The following HAUS6 variants were observed in gnomAD, a reference collection of about 807,000 sequenced individuals.
HAUS6 encodes HAUS augmin like complex subunit 6, also known as HAUS augmin-like complex subunit 6.
HAUS6 carries 80 observed loss-of-function variants against 106.8 expected under a neutral mutation model. That is an observed-to-expected ratio of 0.75 (90% CI 0.63 to 0.90). The LOEUF (loss-of-function observed/expected upper bound fraction) is 0.90, where lower values mean the gene tolerates loss of function less well. Among genes scored for constraint, HAUS6 ranks in the 40% least tolerant of loss-of-function variants. HAUS6 has a pLI of 0.00. For missense variants in HAUS6, 1,155 were observed against 1,118.1 expected, an observed-to-expected ratio of 1.03 and a Z score of -0.47; for synonymous variants, 356 against 379.1, an observed-to-expected ratio of 0.94 and a Z score of 0.71.
chr9:19,082,127 C>A (rs1297659035), intron 8 of HAUS6, among the ~76,000 whole-genome samples: 3 of 151,766 alleles, frequency 2.0e-5, no homozygotes, highest in Admixed American at 1.3e-4. Context: ...TTTATAATGA[C>A]GGAAAGAAAA....
At position 19,088,118 on chromosome 9, in the gene HAUS6, T is replaced by C. The variant is rs537551215; in HGVS notation, c.585-962A>G. Among the ~76,000 whole-genome samples, 15 of 152,244 alleles carry C rather than the reference T, an allele frequency of 9.9e-5. No individual in the cohort carries two copies. In the South Asian group the frequency reaches 2.5e-3, roughly 25 times the overall value. On this transcript the variant is annotated intron_variant, in intron 5 of 16. Coordinates refer to ENST00000380502, the MANE Select transcript of HAUS6 (RefSeq NM_017645.5). ...ATCCACTAACAGGACTAATAGACAT[T>C]AAAAGTAATACACTGGTAGGGTACA...
chr9:19,073,729 T>A (rs1836927520), intron 11 of HAUS6: 1 of 151,562 alleles, frequency 6.6e-6, no homozygotes, highest in Non-Finnish European at 1.5e-5. Flanking sequence ...TCAAAAGAAT[T>A]CTACCATAAT....
rs775004261 is a variant in HAUS6 at position 19,057,958 on chromosome 9, T to C, written c.2806+3A>G. ...AATATGCATAGGTCTATTTAAACCT[T>C]ACCCTTTAAATTAGGTAGTTCTCCA... On this transcript the variant is annotated splice_donor_region_variant and intron_variant, in intron 16 of 16. Coordinates refer to ENST00000380502, the MANE Select transcript of HAUS6 (RefSeq NM_017645.5). The C allele has an allele frequency of 2.0e-5, 31 of 1,576,068 alleles. No individual in the cohort carries two copies. Among genetic ancestry groups the C allele is most frequent in the Non-Finnish European group, 2.6e-5 (30 of 1,152,826 alleles).
intron 8 of HAUS6, 136 bp from the exon 9 acceptor site, chr9:19,080,808 C>T (rs929887962): frequency 3.3e-6 from 2 of 597,022 alleles, no homozygotes; most frequent in African/African-American, 1.9e-5. Context: ...CGGCTCACAC[C>T]TGTAATCCCA....
chr9:19,087,189 T>A (rs1392126421), intron 5 of HAUS6, 33 bp from the exon 6 acceptor site: 1 of 1,164,276 alleles, frequency 8.6e-7, no homozygotes, highest in Admixed American at 1.7e-5. Flanking sequence ...ACAACTATAA[T>A]ACCATTACGA....
chr9:19,095,536 T>C (rs12377611), intron 2 of HAUS6, among the ~76,000 whole-genome samples: 1 of 151,902 alleles, frequency 6.6e-6, no homozygotes, highest in Admixed American at 6.6e-5. Context: ...TCTGTTTTTA[T>C]TTGGACAGAA....
At chr9:19,086,827 TGG>T in intron 6 of HAUS6, 45 bp from the exon 7 acceptor site, 1 of 820,228 alleles carries the variant, frequency 1.2e-6, no homozygotes, top group Non-Finnish European at 2.0e-6. Flanking sequence ...AAAAATCACA[TGG>T]TAATTTAATA....
intron 12 of HAUS6, among the ~76,000 whole-genome samples, chr9:19,064,405 G>C (rs1189625912): frequency 6.6e-6 from 1 of 152,254 alleles, no homozygotes; most frequent in Middle Eastern, 3.4e-3. Flanking sequence ...GCCACATTCT[G>C]TTGTATTTGT....
intron 12 of HAUS6, among the ~76,000 whole-genome samples, chr9:19,066,698 G>C (rs185858962): frequency 6.9e-4 from 105 of 151,984 alleles, no homozygotes; most frequent in Middle Eastern, 3.4e-3. Context: ...GCTCTGATCA[G>C]AACCAGAAAT....
chr9:19,076,753 C>A (rs771926510), intron 10 of HAUS6, 49 bp from the exon 11 acceptor site: 1 of 808,250 alleles, frequency 1.2e-6, no homozygotes, highest in African/African-American at 1.7e-5. Context: ...TTGCTAACTA[C>A]CACAATAACA....
chr9:19,069,688 A>G (rs1836846222), intron 12 of HAUS6, among the ~76,000 whole-genome samples: 1 of 152,168 alleles, frequency 6.6e-6, no homozygotes, highest in East Asian at 1.9e-4. Context: ...AACAAGAGCA[A>G]GACTCCATTT....
chr9:19,070,086 G>T, intron 12 of HAUS6, 133 bp downstream of exon 12: 2 of 622,966 alleles, frequency 3.2e-6, no homozygotes, highest in South Asian at 4.0e-5. Flanking sequence ...CAATCCTCTT[G>T]TAATACAGAA....
At chr9:19,060,819 C>T (rs1836597227) in intron 14 of HAUS6, among the ~76,000 whole-genome samples, 1 of 152,162 alleles carries the variant, frequency 6.6e-6, no homozygotes, top group Admixed American at 6.5e-5. Flanking sequence ...AAATTAAAAA[C>T]TCTGCCCCCG....
chr9:19,079,520 C>A (rs1337446961), intron 9 of HAUS6, among the ~76,000 whole-genome samples: 2 of 152,058 alleles, frequency 1.3e-5, no homozygotes, highest in Non-Finnish European at 2.9e-5. Flanking sequence ...TGTGAGCCAC[C>A]ATGCCCAGCT....
At chr9:19,084,089 T>C (rs1157554142) in intron 7 of HAUS6, among the ~76,000 whole-genome samples, 3 of 149,240 alleles carry the variant, frequency 2.0e-5, no homozygotes, top group Non-Finnish European at 4.4e-5. Flanking sequence ...AGAATGTCTA[T>C]TTGTAACAAT....
intron 15 of HAUS6, 122 bp downstream of exon 15, chr9:19,059,966 C>T (rs1836572427): frequency 3.0e-6 from 2 of 676,086 alleles, no homozygotes; most frequent in African/African-American, 3.6e-5. Flanking sequence ...CTTAGTACGT[C>T]GATTACAACA....
At chr9:19,063,683 C>T (rs1284341396) in intron 12 of HAUS6, 103 bp from the exon 13 acceptor site, 4 of 839,336 alleles carry the variant, frequency 4.8e-6, no homozygotes, top group Admixed American at 1.7e-5. Flanking sequence ...CTGTCCGTTA[C>T]GATTTCACTC....
chr9:19,066,079 G>A (rs1035304989), intron 12 of HAUS6, among the ~76,000 whole-genome samples: 1 of 151,596 alleles, frequency 6.6e-6, no homozygotes, highest in Non-Finnish European at 1.5e-5. Context: ...GGAATTACAG[G>A]TGCCGACCAC....
At chr9:19,064,270 CA>C (rs1178964614) in intron 12 of HAUS6, among the ~76,000 whole-genome samples, 2 of 152,024 alleles carry the variant, frequency 1.3e-5, no homozygotes, top group African/African-American at 4.8e-5. Context: ...CCTGGCCCAG[CA>C]GACTTATTTT....
Sources: allele counts gnomAD v4.1 joint callset (sites outside exome capture counted in the v4.1 genomes callset), GRCh38; gene constraint gnomAD v4.1.1; transcripts MANE v1.5; gene names NCBI Gene and HGNC (gene_info 2026-07-23, HGNC 2026-07-21).